The following FHL1 variants were observed in gnomAD, a reference collection of about 807,000 sequenced individuals.
The protein encoded by FHL1 is four and a half LIM domains protein 1.
In FHL1, 1 loss-of-function variant was observed where a neutral mutation model predicts 20.3. The observed-to-expected ratio is 0.05, with a 90% CI of 0.02 to 0.23. The LOEUF (loss-of-function observed/expected upper bound fraction) is 0.23. Ranked by LOEUF, FHL1 falls within the 10% of genes least tolerant of loss-of-function variation. FHL1 has a pLI of 1.00. For missense variants in FHL1, 177 were observed against 234.0 expected (o/e 0.76, Z 1.59); for synonymous variants, 82 against 88.9 (o/e 0.92, Z 0.44).
At chrX:136,192,815 CT>C (rs1264929821), upstream of FHL1, among the ~76,000 whole-genome samples, 2 of 111,775 alleles carry the variant, frequency 1.8e-5, no homozygotes, top group Non-Finnish European at 3.8e-5. Context: ...CTCTTCCCAC[CT>C]TAAAGATTGA....
intron 2 of FHL1, among the ~76,000 whole-genome samples, chrX:136,171,931 C>T (rs903301975): frequency 1.8e-5 from 2 of 108,888 alleles, no homozygotes; most frequent in African/African-American, 6.7e-5. Context: ...GGCTGGAGTG[C>T]AGTGGTGCAA....
intron 1 of FHL1, among the ~76,000 whole-genome samples, chrX:136,203,397 A>G (rs2073765062): frequency 8.9e-6 from 1 of 112,099 alleles, no homozygotes; most frequent in Admixed American, 9.4e-5. Context: ...AGAGTGAAAA[A>G]ATCTTGCCTA....
At chrX:136,151,684 G>C (rs2072269156) in intron 1 of FHL1, among the ~76,000 whole-genome samples, 1 of 112,076 alleles carries the variant, frequency 8.9e-6, no homozygotes, top group Non-Finnish European at 1.9e-5. Flanking sequence ...CTGCACTCCA[G>C]CCTGGGCGAC....
At chrX:136,157,213 T>C (rs1020674585) in intron 1 of FHL1, among the ~76,000 whole-genome samples, 1 of 111,603 alleles carries the variant, frequency 9.0e-6, no homozygotes, top group Non-Finnish European at 1.9e-5. Context: ...AAGAGGCACG[T>C]TAAGTTGCTT....
At chrX:136,196,992 C>T (rs148925970), upstream of FHL1, 9 of 1,031,117 alleles carry the variant, frequency 8.7e-6, no homozygotes, top group Admixed American at 2.3e-5. Flanking sequence ...CATCTGCTCT[C>T]GGTTATTTTT....
chrX:136,151,804 C>T (rs1026816352), intron 1 of FHL1, among the ~76,000 whole-genome samples: 7 of 112,241 alleles, frequency 6.2e-5, no homozygotes, highest in African/African-American at 1.6e-4. Flanking sequence ...ATGGCACTTA[C>T]TCTGTGCCAG....
At chrX:136,158,559 A>G (rs182714866) in intron 1 of FHL1, among the ~76,000 whole-genome samples, 90 of 111,226 alleles carry the variant, frequency 8.1e-4, no homozygotes, top group African/African-American at 2.8e-3. Flanking sequence ...AGCCATTTTT[A>G]TAAACATCTC....
At chrX:136,208,246 G>A (rs754023866) in intron 4 of FHL1, among the ~76,000 whole-genome samples, 2 of 112,103 alleles carry the variant, frequency 1.8e-5, no homozygotes, top group Non-Finnish European at 3.8e-5. Context: ...CTTAGGGGCT[G>A]TGTAACCTCA....
At chrX:136,182,097 T>A (rs2073171678) in intron 2 of FHL1, among the ~76,000 whole-genome samples, 1 of 111,755 alleles carries the variant, frequency 8.9e-6, no homozygotes, top group South Asian at 3.7e-4. Flanking sequence ...TGGCATGGAG[T>A]TGGAAAAAAA....
intron 1 of FHL1, among the ~76,000 whole-genome samples, chrX:136,152,719 C>CAAAAAAAAA (rs768022110): frequency 1.9e-5 from 1 of 53,030 alleles, no homozygotes; most frequent in African/African-American, 8.2e-5. Flanking sequence ...GACTCCATCT[C>CAAAAAAAAA]AAAAAAAAAA....
chrX:136,202,879 A>G (rs537744847), intron 1 of FHL1, among the ~76,000 whole-genome samples: 3 of 112,798 alleles, frequency 2.7e-5, no homozygotes, highest in East Asian at 2.8e-4. Context: ...ATTGTCATTT[A>G]TAAGCTGGCT....
Position 136,207,782 on chromosome X carries a change from C to T in FHL1, c.380-10C>T. On this transcript the variant is annotated splice_polypyrimidine_tract_variant and intron_variant, in intron 3 of 5. Coordinates refer to ENST00000370683, the MANE Select transcript of FHL1 (RefSeq NM_001159699.2). ...TGTCAGTGGGGCTATCCAATTGCTT[C>T]CCTCTGCAGGAGATCAAAACGTGGA... 8.3e-7 allele frequency: 1 copy of T among 1,211,409 alleles called. No individual in the cohort carries two copies. The highest frequency in any genetic ancestry group is 1.8e-5 in the South Asian group (1 of 56,957).
chrX:136,191,451 G>T (rs765518402), intron 2 of FHL1, among the ~76,000 whole-genome samples: 1 of 111,694 alleles, frequency 9.0e-6, no homozygotes, highest in East Asian at 2.8e-4. Context: ...GTGACATCCA[G>T]GTCACGGCTT....
At chrX:136,152,119 C>T (rs1385729429) in intron 1 of FHL1, among the ~76,000 whole-genome samples, 1 of 111,760 alleles carries the variant, frequency 8.9e-6, no homozygotes. Context: ...GAGTAAGTGA[C>T]AAGGAGTAGG....
chrX:136,199,379 A>T (rs1448198102), intron 1 of FHL1, among the ~76,000 whole-genome samples: 1 of 112,054 alleles, frequency 8.9e-6, no homozygotes, highest in Non-Finnish European at 1.9e-5. Flanking sequence ...TGCTAATTAC[A>T]TTGAATCATT....
intron 1 of FHL1, among the ~76,000 whole-genome samples, chrX:136,158,118 G>A (rs1270236821): frequency 2.7e-5 from 3 of 111,825 alleles, no homozygotes; most frequent in Non-Finnish European, 3.8e-5. Flanking sequence ...ATATGTTTCT[G>A]TATAAAATTA....
At chrX:136,189,905 A>G (rs1047862821) in intron 2 of FHL1, among the ~76,000 whole-genome samples, 6 of 112,306 alleles carry the variant, frequency 5.3e-5, no homozygotes, top group Non-Finnish European at 9.4e-5. Flanking sequence ...TAATTGTTCA[A>G]CCAATCTCAT....
At chrX:136,162,970 C>T in intron 1 of FHL1, among the ~76,000 whole-genome samples, 1 of 112,314 alleles carries the variant, frequency 8.9e-6, no homozygotes, top group East Asian at 2.8e-4. Context: ...TCTCTGCTTC[C>T]AAGATGACAC....
At chrX:136,163,242 C>A (rs1448136414) in intron 1 of FHL1, among the ~76,000 whole-genome samples, 2 of 112,262 alleles carry the variant, frequency 1.8e-5, no homozygotes, top group Non-Finnish European at 3.8e-5. Context: ...TCTCCAGGTG[C>A]CGCCAATTTT....
Sources: gnomAD v4.1 joint callset for allele counts (sites outside exome capture counted in the v4.1 genomes callset) on GRCh38, gnomAD v4.1.1 for gene constraint, MANE v1.5 for transcripts, NCBI Gene and HGNC (gene_info 2026-07-23, HGNC 2026-07-21) for gene names.